Variants in EDNRA observed in about 807,000 individuals in gnomAD.
EDNRA encodes the protein endothelin receptor type A.
Under a neutral mutation model 41.4 loss-of-function variants are expected in EDNRA, and 11 were observed. That is an observed-to-expected ratio of 0.27 (90% CI 0.17 to 0.44). EDNRA has a LOEUF of 0.44. EDNRA is among the 20% of genes least tolerant of loss of function. EDNRA has a pLI of 1.00. For synonymous variants in EDNRA, 172 were observed against 183.0 expected (o/e 0.94, Z 0.49); for missense variants, 294 against 531.0 (o/e 0.55, Z 4.39).
rs1729896380 is a variant in EDNRA at position 147,510,878 on chromosome 4, G to A, written c.421-8973G>A. Among the ~76,000 whole-genome samples the A allele has an allele frequency of 1.3e-5, 2 of 152,214 alleles. 1 individual carries two copies. The highest frequency in any genetic ancestry group is 4.1e-4 in the South Asian group (2 of 4,828). On this transcript the variant is annotated intron_variant, in intron 2 of 7. Coordinates refer to ENST00000651419, the MANE Select transcript of EDNRA (RefSeq NM_001957.4). ...ACAGGGAAGGGTGCAGGTTAGCTTAGAGATAAATGGAGTTAATAATAGTTT... is the reference window on the plus strand; with the variant it reads ...ACAGGGAAGGGTGCAGGTTAGCTTAAAGATAAATGGAGTTAATAATAGTTT...
At chr4:147,506,289 G>A in intron 2 of EDNRA, 2 of 468,278 alleles carry the variant, frequency 4.3e-6, no homozygotes, top group Non-Finnish European at 4.2e-6. Context: ...GCAAAATATT[G>A]GAGGCCATAT....
intron 3 of EDNRA, among the ~76,000 whole-genome samples, chr4:147,521,474 A>G (rs1730319529): frequency 6.6e-6 from 1 of 152,200 alleles, no homozygotes. Flanking sequence ...GGTGGCCACT[A>G]TATAATCTTG....
chr4:147,520,038 A>T (rs1258636576), intron 3 of EDNRA, 60 bp downstream of exon 3: 5 of 1,555,744 alleles, frequency 3.2e-6, no homozygotes, highest in Non-Finnish European at 4.3e-6. Flanking sequence ...TTTCTCAAAA[A>T]GAAGAAAAGT....
chr4:147,515,936 A>G (rs567433560), intron 2 of EDNRA, among the ~76,000 whole-genome samples: 3 of 152,286 alleles, frequency 2.0e-5, no homozygotes, highest in African/African-American at 7.2e-5. Flanking sequence ...TATGATGTTG[A>G]TTTTGATACA....
intron 3 of EDNRA, among the ~76,000 whole-genome samples, chr4:147,522,050 A>C (rs770111391): frequency 1.3e-5 from 2 of 152,218 alleles, no homozygotes; most frequent in South Asian, 2.1e-4. Context: ...ATACACAAGA[A>C]TGTATTAATA....
At chr4:147,523,467 TTTTGTTGTTG>T (rs1239006973) in intron 3 of EDNRA, among the ~76,000 whole-genome samples, 21 of 148,810 alleles carry the variant, frequency 1.4e-4, no homozygotes, top group African/African-American at 3.1e-4. Flanking sequence ...GTTTGTTTTT[TTTTGTTGTTG>T]TTGTTTTTTT....
chr4:147,531,239 T>C (rs1320542067), intron 3 of EDNRA, among the ~76,000 whole-genome samples: 1 of 152,246 alleles, frequency 6.6e-6, no homozygotes, highest in African/African-American at 2.4e-5. Context: ...CATTCTTTTC[T>C]GTTAGATTGT....
rs148198606 is a variant in EDNRA, at chr4:147,511,998, A to G, written c.421-7853A>G. The stretch of plus-strand genomic sequence containing the variant: ...CATGAAAACCAGGGTCTTTCTTTCT[A>G]GCATGAATCTCCTCTCCATTATGAA... On this transcript the variant is annotated intron_variant, in intron 2 of 7. Coordinates refer to ENST00000651419, the MANE Select transcript of EDNRA (RefSeq NM_001957.4). 4.0e-4 allele frequency among the ~76,000 whole-genome samples: 61 copies of G among 152,304 alleles called. 1 individual carries two copies. The highest frequency in any genetic ancestry group is 1.3e-3 in the African/African-American group (53 of 41,586).
chr4:147,518,630 T>C (rs1244203661), intron 2 of EDNRA, among the ~76,000 whole-genome samples: 2 of 152,128 alleles, frequency 1.3e-5, no homozygotes, highest in Non-Finnish European at 2.9e-5. Flanking sequence ...CCAAACTCTT[T>C]CAAAGGACTC....
chr4:147,510,522 C>T (rs1183621649), intron 2 of EDNRA, among the ~76,000 whole-genome samples: 2 of 152,074 alleles, frequency 1.3e-5, no homozygotes, highest in Admixed American at 6.5e-5. Context: ...TTTAATTTTA[C>T]ATTATTGTTT....
At chr4:147,527,822 G>C (rs1730607218) in intron 3 of EDNRA, among the ~76,000 whole-genome samples, 1 of 152,142 alleles carries the variant, frequency 6.6e-6, no homozygotes, top group Non-Finnish European at 1.5e-5. Flanking sequence ...GCTCTACCGG[G>C]AGTTGGCAGC....
At chr4:147,506,007 AG>A (rs1289470846) in intron 2 of EDNRA, 1 of 391,560 alleles carries the variant, frequency 2.6e-6, no homozygotes, top group Non-Finnish European at 4.9e-6. Context: ...TGCACTCTTG[AG>A]CATGTATCCC....
Position 147,544,479 on chromosome 4 carries a change from CAGAT to C in EDNRA, c.*1862_*1865del, listed in dbSNP as rs1487182620. The C allele has an allele frequency of 6.5e-5, 10 of 152,742 alleles. No homozygotes were observed. Among genetic ancestry groups the C allele is most frequent in the Admixed American group, 3.9e-4 (6 of 15,294 alleles). 9.5% of individuals were successfully genotyped at this position (152,742 alleles called of 1,614,324 possible). ...GATATTTCTTTCAGACTTCGCCAGA[CAGAT>C]TGCTGATAATAAATTAGGTAAGATA... On this transcript the variant is annotated 3_prime_UTR_variant, in exon 8 of 8. Transcript: ENST00000651419.
intron 3 of EDNRA, among the ~76,000 whole-genome samples, chr4:147,525,134 A>G (rs1730488953): frequency 6.6e-6 from 1 of 152,240 alleles, no homozygotes; most frequent in Admixed American, 6.5e-5. Flanking sequence ...TCCAAGTTCT[A>G]TAGGATTTCT....
intron 2 of EDNRA, chr4:147,494,794 CT>C (rs1245566336): frequency 6.6e-6 from 1 of 152,134 alleles, no homozygotes; most frequent in Non-Finnish European, 1.5e-5. Flanking sequence ...GCTTTTTTCT[CT>C]GAATGAGATG....
At chr4:147,542,331 G>A in intron 7 of EDNRA, 147 bp from the exon 8 acceptor site, 1 of 1,022,158 alleles carries the variant, frequency 9.8e-7, no homozygotes, top group Non-Finnish European at 1.4e-6. Flanking sequence ...GGTGATAACA[G>A]GCTCTCCACT....
rs901364917 is a variant in EDNRA at position 147,543,957 on chromosome 4, G to A, written c.*1339G>A. On this transcript the variant is annotated 3_prime_UTR_variant, in exon 8 of 8. Transcript: ENST00000651419. Reference sequence around the variant, plus strand: ...GCATTTTCCCAGATGTTTACAGACTGTGAGTACAGCAGAAAATCTTTTACT... The same window carrying A: ...GCATTTTCCCAGATGTTTACAGACTATGAGTACAGCAGAAAATCTTTTACT... 1 of 152,418 alleles carries A rather than the reference G, an allele frequency of 6.6e-6. No homozygotes were observed. The highest frequency in any genetic ancestry group is 1.5e-5 in the Non-Finnish European group (1 of 68,026). 9.4% of individuals were successfully genotyped at this position (152,418 alleles called of 1,614,324 possible).
At chr4:147,541,951 A>G (rs1210735697) in intron 7 of EDNRA, among the ~76,000 whole-genome samples, 1 of 152,236 alleles carries the variant, frequency 6.6e-6, no homozygotes, top group Admixed American at 6.5e-5. Context: ...AAAAGGCAGT[A>G]TATCCAAGAG....
rs200518454 is a variant in EDNRA at position 147,543,267 on chromosome 4, G to C, written c.*649G>C. 1.3e-5 allele frequency: 2 copies of C among 151,946 alleles called. No homozygotes were observed. The highest frequency in any genetic ancestry group is 2.9e-5 in the Non-Finnish European group (2 of 68,000). The allele number at this position is 151,946 out of a possible 1,614,324, so 9.4% of individuals were successfully genotyped here. On this transcript the variant is annotated 3_prime_UTR_variant, in exon 8 of 8. Transcript: ENST00000651419. ...ATTTTTTTAAAACACAAATTCTAAA[G>C]CTACAACAAATACTACAGGCCCTTA...
Sources: allele counts gnomAD v4.1 joint callset (sites outside exome capture counted in the v4.1 genomes callset), GRCh38; gene constraint gnomAD v4.1.1; transcripts MANE v1.5; gene names NCBI Gene and HGNC (gene_info 2026-07-23, HGNC 2026-07-21).